PRKG1: variants seen among roughly 807,000 people sequenced by gnomAD.
The protein encoded by PRKG1 is protein kinase cGMP-dependent 1.
Under a neutral mutation model 88.1 loss-of-function variants are expected in PRKG1, and 35 were observed. The observed-to-expected ratio is 0.40, with a 90% confidence interval of 0.30 to 0.53. The LOEUF is 0.53. PRKG1 is among the 20% of genes least tolerant of loss of function. The pLI is 0.59. For synonymous variants in PRKG1, 303 were observed against 292.5 expected (o/e 1.04, Z -0.37); for missense variants, 540 against 839.8 (o/e 0.64, Z 4.41).
intron 1 of PRKG1, among the ~76,000 whole-genome samples, chr10:51,123,626 C>T (rs982594666): frequency 6.7e-6 from 1 of 150,132 alleles, no homozygotes. Flanking sequence ...GTGGAGGTTG[C>T]GGTGAGCTGA....
rs967072492 is a variant in PRKG1, at chr10:51,949,629, T to C, written c.762+42059T>C. On this transcript the variant is annotated intron_variant, in intron 5 of 17. Coordinates refer to ENST00000373980, the MANE Select transcript of PRKG1 (RefSeq NM_006258.4). Reference sequence around the variant, plus strand: ...TAAAGGTATGTTAAGGTATCAGAGATAAGATTGGCTAGAGTACAGCCTGAT... The same window carrying C: ...TAAAGGTATGTTAAGGTATCAGAGACAAGATTGGCTAGAGTACAGCCTGAT... Among the ~76,000 whole-genome samples, 4 of 152,118 alleles carry C rather than the reference T, an allele frequency of 2.6e-5. 1 individual carries two copies. The highest frequency in any genetic ancestry group is 4.1e-4 in the South Asian group (2 of 4,820).
At chr10:51,916,032 G>A (rs1842331712) in intron 5 of PRKG1, among the ~76,000 whole-genome samples, 1 of 152,112 alleles carries the variant, frequency 6.6e-6, no homozygotes, top group Non-Finnish European at 1.5e-5. Context: ...GCCTTCTTTG[G>A]AAAACAGTTT....
intron 4 of PRKG1, among the ~76,000 whole-genome samples, chr10:51,867,371 T>C (rs972093466): frequency 1.6e-4 from 25 of 152,078 alleles, no homozygotes; most frequent in Non-Finnish European, 3.2e-4. Context: ...AAGGATGTGG[T>C]TGGATGTGTA....
chr10:51,398,091 T>C (rs1369434952), intron 2 of PRKG1, among the ~76,000 whole-genome samples: 1 of 152,086 alleles, frequency 6.6e-6, no homozygotes, highest in African/African-American at 2.4e-5. Flanking sequence ...ATCTTTAAGG[T>C]AAAATATTCA....
At chr10:51,057,486 A>T (rs1843641026) in intron 1 of PRKG1, among the ~76,000 whole-genome samples, 1 of 152,194 alleles carries the variant, frequency 6.6e-6, no homozygotes, top group South Asian at 2.1e-4. Context: ...TCCTTACAGC[A>T]GTATAATCAC....
intron 3 of PRKG1, among the ~76,000 whole-genome samples, chr10:51,693,496 G>A (rs1244462546): frequency 6.6e-6 from 1 of 151,868 alleles, no homozygotes; most frequent in Non-Finnish European, 1.5e-5. Context: ...CCACCTCCCA[G>A]GTTCAAGTGC....
chr10:50,992,136 G>T (rs920784456), intron 1 of PRKG1, among the ~76,000 whole-genome samples: 1 of 152,082 alleles, frequency 6.6e-6, no homozygotes, highest in Non-Finnish European at 1.5e-5. Flanking sequence ...GGCTGGACAG[G>T]GTTGGGCTCA....
At chr10:51,522,516 A>G (rs899346772) in intron 3 of PRKG1, among the ~76,000 whole-genome samples, 3 of 152,194 alleles carry the variant, frequency 2.0e-5, no homozygotes, top group Non-Finnish European at 4.4e-5. Flanking sequence ...TATATTAATA[A>G]TTTTGTGTGG....
chr10:52,232,033 A>C lies in PRKG1; in HGVS notation c.1077-19537A>C, dbSNP rs74430350. Among the ~76,000 whole-genome samples the C allele has an allele frequency of 7.9e-3, 1,205 of 152,270 alleles. 15 individuals are homozygous for C. The highest frequency in any genetic ancestry group is 0.028 in the African/African-American group (1,144 of 41,540). On this transcript the variant is annotated intron_variant, in intron 9 of 17. Coordinates refer to ENST00000373980, the MANE Select transcript of PRKG1 (RefSeq NM_006258.4). The stretch of plus-strand genomic sequence containing the variant: ...GATTCTTCAGACTTTAGCAAGAAAG[A>C]CCTGTAAGAATGTTGTTTCTACACT...
At chr10:51,745,624 T>C (rs914080468) in intron 3 of PRKG1, among the ~76,000 whole-genome samples, 13 of 152,184 alleles carry the variant, frequency 8.5e-5, no homozygotes, top group Non-Finnish European at 1.6e-4. Context: ...TTACATATAG[T>C]AGTTTTAATG....
intron 10 of PRKG1, among the ~76,000 whole-genome samples, chr10:52,270,597 A>G (rs1425382535): frequency 6.6e-6 from 1 of 151,794 alleles, no homozygotes; most frequent in East Asian, 1.9e-4. Context: ...GGAAACCATC[A>G]TTCTCAGCAA....
intron 2 of PRKG1, among the ~76,000 whole-genome samples, chr10:51,212,784 T>G (rs1838259287): frequency 6.6e-6 from 1 of 152,152 alleles, no homozygotes. Flanking sequence ...CTCACACCAG[T>G]TAGAATGGCG....
intron 9 of PRKG1, among the ~76,000 whole-genome samples, chr10:52,197,883 G>A (rs576927968): frequency 6.6e-6 from 1 of 152,212 alleles, no homozygotes; most frequent in South Asian, 2.1e-4. Context: ...AGGTACTCTG[G>A]GATGTTTAAT....
chr10:51,220,620 G>A (rs1181096233), intron 2 of PRKG1, among the ~76,000 whole-genome samples: 2 of 152,036 alleles, frequency 1.3e-5, no homozygotes, highest in East Asian at 3.9e-4. Context: ...CTAGTATCTG[G>A]ATCAACAGCA....
chr10:51,981,147 G>C (rs1843998857), intron 5 of PRKG1, among the ~76,000 whole-genome samples: 2 of 152,116 alleles, frequency 1.3e-5, no homozygotes, highest in African/African-American at 4.8e-5. Context: ...TTCATATTTA[G>C]AGCTTCCTTT....
intron 3 of PRKG1, among the ~76,000 whole-genome samples, chr10:51,626,712 A>G (rs1839345882): frequency 6.6e-6 from 1 of 152,154 alleles, no homozygotes; most frequent in East Asian, 1.9e-4. Flanking sequence ...ATTTGCTACC[A>G]ACTCAGCTAA....
intron 7 of PRKG1, among the ~76,000 whole-genome samples, chr10:52,085,929 A>T (rs908627408): frequency 5.9e-5 from 9 of 152,188 alleles, no homozygotes; most frequent in Non-Finnish European, 1.0e-4. Context: ...TAGTAAAAAA[A>T]GTTAAGCTTC....
intron 10 of PRKG1, among the ~76,000 whole-genome samples, chr10:52,255,589 ATGAT>A (rs1278708555): frequency 6.6e-6 from 1 of 152,040 alleles, no homozygotes; most frequent in Non-Finnish European, 1.5e-5. Flanking sequence ...AGTGAGCTCT[ATGAT>A]TGAAGATAAA....
chr10:52,070,733 T>C (rs1214878434), intron 7 of PRKG1, among the ~76,000 whole-genome samples: 1 of 152,242 alleles, frequency 6.6e-6, no homozygotes, highest in African/African-American at 2.4e-5. Flanking sequence ...CAGATGGTCA[T>C]GCCATTCTCT....
Sources: allele counts gnomAD v4.1 joint callset (sites outside exome capture counted in the v4.1 genomes callset), GRCh38; gene constraint gnomAD v4.1.1; transcripts MANE v1.5; gene names NCBI Gene and HGNC (gene_info 2026-07-23, HGNC 2026-07-21).